The following ARPP19 variants were observed in gnomAD, a reference collection of about 807,000 sequenced individuals.
The protein encoded by ARPP19 is cAMP regulated phosphoprotein 19, also known as cAMP-regulated phosphoprotein 19.
Under a neutral mutation model 12.0 loss-of-function variants are expected in ARPP19, and 8 were observed. That is an observed-to-expected ratio of 0.67 (90% CI 0.39 to 1.21). The LOEUF (loss-of-function observed/expected upper bound fraction) is 1.21, where lower values mean the gene tolerates loss of function less well. ARPP19 is among the 50% of genes most tolerant of loss of function. The probability of loss-of-function intolerance (pLI) is 0.01; values close to 1 mark genes in which losing one functional copy is unlikely to be tolerated. For missense variants in ARPP19, 102 were observed against 136.3 expected, an observed-to-expected ratio of 0.75 and a Z score of 1.25; for synonymous variants, 47 against 50.4, an observed-to-expected ratio of 0.93 and a Z score of 0.29.
At chr15:52,556,890 T>C (rs2077986666) in intron 2 of ARPP19, 2 of 455,128 alleles carry the variant, frequency 4.4e-6, no homozygotes, top group Admixed American at 3.9e-5. Flanking sequence ...CTTTAAATAG[T>C]TTATTATTAA....
rs1386412719 is a variant in ARPP19, at chr15:52,561,853, TAAA to T, written c.46-4634_46-4632del. Among the ~76,000 whole-genome samples, 7 of 147,740 alleles carry T rather than the reference TAAA, an allele frequency of 4.7e-5. No individual in the cohort carries two copies. The East Asian group carries it at 1.4e-3, about 29-fold the overall frequency. ...TAAAAACAAGGACATAGGTTGAAAG[TAAA>T]AAGACTGAGGGTGGGTGGTGGTGGT... On this transcript the variant is annotated intron_variant, in intron 1 of 2. Coordinates refer to ENST00000249822, the MANE Select transcript of ARPP19 (RefSeq NM_006628.6).
In ARPP19 at chr15:52,548,815, G is replaced by C. The variant is rs2077902682; in HGVS notation, c.*3119C>G. 6.6e-6 allele frequency: 1 copy of C among 152,582 alleles called. No individual in the cohort carries two copies. Among genetic ancestry groups the C allele is most frequent in the Non-Finnish European group, 1.5e-5 (1 of 68,038 alleles). 9.5% of individuals were successfully genotyped at this position (152,582 alleles called of 1,614,324 possible). ...GGATTAAGAACACAAGCCTGATTTAGTAAAAAGTATCCATAAATATTCAGA... is the reference window on the plus strand; with the variant it reads ...GGATTAAGAACACAAGCCTGATTTACTAAAAAGTATCCATAAATATTCAGA... On this transcript the variant is annotated 3_prime_UTR_variant, in exon 3 of 3. Coordinates refer to ENST00000249822, the MANE Select transcript of ARPP19 (RefSeq NM_006628.6).
intron 1 of ARPP19, chr15:52,568,486 GGA>G: frequency 4.7e-6 from 1 of 214,864 alleles, no homozygotes. Flanking sequence ...ACAAGTAGTT[GGA>G]GAGTTCTTCA....
chr15:52,558,675 A>G (rs920960010), intron 1 of ARPP19, among the ~76,000 whole-genome samples: 2 of 151,832 alleles, frequency 1.3e-5, no homozygotes, highest in African/African-American at 4.8e-5. Context: ...TAAATGTCAA[A>G]CCTATGTTCT....
intron 1 of ARPP19, among the ~76,000 whole-genome samples, chr15:52,567,264 G>A (rs1826597256): frequency 6.6e-6 from 1 of 152,186 alleles, no homozygotes; most frequent in South Asian, 2.1e-4. Context: ...AATGTTTAAT[G>A]TAGACAATCA....
chr15:52,550,224 T>C lies in ARPP19; in HGVS notation c.*1710A>G, dbSNP rs2077916297. 1.3e-5 allele frequency: 2 copies of C among 152,188 alleles called. No individual in the cohort carries two copies. The highest frequency in any genetic ancestry group is 4.1e-4 in the South Asian group (2 of 4,832). The allele number at this position is 152,188 out of a possible 1,614,324, so 9.4% of individuals were successfully genotyped here. A position where few individuals can be genotyped will look rare whatever the true frequency, so the allele number is the denominator to read the frequency against. Reference sequence around the variant, plus strand: ...AGCTCCTACAAGAGCAGTAAACTTGTCCCAGTAAAGTCTGCTAAGTTCTAA... The same window carrying C: ...AGCTCCTACAAGAGCAGTAAACTTGCCCCAGTAAAGTCTGCTAAGTTCTAA... On this transcript the variant is annotated 3_prime_UTR_variant, in exon 3 of 3. Transcript: ENST00000249822.
intron 1 of ARPP19, among the ~76,000 whole-genome samples, chr15:52,560,100 C>G (rs1294135313): frequency 3.9e-5 from 6 of 152,128 alleles, no homozygotes; most frequent in Admixed American, 2.0e-4. Context: ...CTCTGGTTTC[C>G]AGTGTTTCTG....
chr15:52,548,986 T>C lies in ARPP19; in HGVS notation c.*2948A>G, dbSNP rs1445740026. 6.6e-6 allele frequency: 1 copy of C among 152,614 alleles called. No homozygotes were observed. The highest frequency in any genetic ancestry group is 1.5e-5 in the Non-Finnish European group (1 of 68,036). 9.5% of individuals were successfully genotyped at this position (152,614 alleles called of 1,614,324 possible). A position where few individuals can be genotyped will look rare whatever the true frequency, so the allele number is the denominator to read the frequency against. On this transcript the variant is annotated 3_prime_UTR_variant, in exon 3 of 3. Coordinates refer to ENST00000249822, the MANE Select transcript of ARPP19 (RefSeq NM_006628.6). ...GCACAAGATTATTGAATAACTTGTATGCTACAAACATGCCGCTTCCACTCA... is the reference window on the plus strand; with the variant it reads ...GCACAAGATTATTGAATAACTTGTACGCTACAAACATGCCGCTTCCACTCA...
At chr15:52,552,180 TG>T in intron 2 of ARPP19, 76 bp from the exon 3 acceptor site, 2 of 809,976 alleles carry the variant, frequency 2.5e-6, no homozygotes, top group Non-Finnish European at 4.2e-6. Flanking sequence ...AACCCCATAC[TG>T]TCCGTATAAG....
intron 1 of ARPP19, chr15:52,568,485 T>C (rs1790929036): frequency 9.4e-6 from 2 of 212,048 alleles, no homozygotes; most frequent in Admixed American, 6.1e-5. Flanking sequence ...TACAAGTAGT[T>C]GGAGAGTTCT....
At chr15:52,563,561 A>G (rs1400716187) in intron 1 of ARPP19, among the ~76,000 whole-genome samples, 1 of 152,258 alleles carries the variant, frequency 6.6e-6, no homozygotes, top group Non-Finnish European at 1.5e-5. Context: ...TAGGTGGGGT[A>G]TAAGTTATAA....
intron 1 of ARPP19, among the ~76,000 whole-genome samples, chr15:52,561,780 GAA>G (rs55692281): frequency 7.1e-6 from 1 of 141,092 alleles, no homozygotes; most frequent in Admixed American, 7.1e-5. Flanking sequence ...CTGGATTAAG[GAA>G]AAAAAAAAAA....
chr15:52,561,598 C>A, intron 1 of ARPP19, among the ~76,000 whole-genome samples: 1 of 151,376 alleles, frequency 6.6e-6, no homozygotes, highest in Admixed American at 6.6e-5. Flanking sequence ...TCAAGGGGAA[C>A]CAATTAAATA....
intron 2 of ARPP19, among the ~76,000 whole-genome samples, chr15:52,554,740 G>GA (rs1469604783): frequency 4.0e-5 from 6 of 151,686 alleles, no homozygotes; most frequent in African/African-American, 1.2e-4. Flanking sequence ...CTACAAATAT[G>GA]AAAAAACAAA....
In ARPP19 at chr15:52,547,587, A is replaced by T. The variant is rs2077889712; in HGVS notation, c.*4347T>A. On this transcript the variant is annotated 3_prime_UTR_variant, in exon 3 of 3. Coordinates refer to ENST00000249822, the MANE Select transcript of ARPP19 (RefSeq NM_006628.6). ...ATACCTAGAGGCCTACCTAATTAGA[A>T]GGTTGAAACTTAGTAAAACCGTATT... 6.6e-6 allele frequency: 1 copy of T among 152,228 alleles called. No individual in the cohort carries two copies. Among genetic ancestry groups the T allele is most frequent in the Non-Finnish European group, 1.5e-5 (1 of 68,030 alleles). The allele number at this position is 152,228 out of a possible 1,614,324, so 9.4% of individuals were successfully genotyped here. A position where few individuals can be genotyped will look rare whatever the true frequency, so the allele number is the denominator to read the frequency against.
At chr15:52,564,404 CCT>C (rs1489392591) in intron 1 of ARPP19, among the ~76,000 whole-genome samples, 1 of 152,118 alleles carries the variant, frequency 6.6e-6, no homozygotes, top group Non-Finnish European at 1.5e-5. Context: ...AGAGTAAGAC[CCT>C]GTCTCAAACA....
chr15:52,555,871 T>C (rs2077977167), intron 2 of ARPP19, among the ~76,000 whole-genome samples: 1 of 151,940 alleles, frequency 6.6e-6, no homozygotes. Context: ...CATTTCTCTG[T>C]TTTTTATATT....
At chr15:52,559,713 G>A (rs769742199) in intron 1 of ARPP19, among the ~76,000 whole-genome samples, 2 of 152,118 alleles carry the variant, frequency 1.3e-5, no homozygotes, top group African/African-American at 2.4e-5. Flanking sequence ...GTAGGAAGGC[G>A]GGCTGAGTCA....
chr15:52,569,407 C>T (rs2078120587), upstream of ARPP19, among the ~76,000 whole-genome samples: 1 of 152,242 alleles, frequency 6.6e-6, no homozygotes, highest in Non-Finnish European at 1.5e-5. Context: ...TCTTGCTCCA[C>T]TCTGCCACGC....
Sources: gnomAD v4.1 joint callset for allele counts (sites outside exome capture counted in the v4.1 genomes callset) on GRCh38, gnomAD v4.1.1 for gene constraint, MANE v1.5 for transcripts, NCBI Gene and HGNC (gene_info 2026-07-23, HGNC 2026-07-21) for gene names.